DENND2B: variants seen among roughly 807,000 people sequenced by gnomAD.
DENND2B encodes DENN domain-containing protein 2B.
Under a neutral mutation model 116.0 loss-of-function variants are expected in DENND2B, and 32 were observed. That is an observed-to-expected ratio of 0.28 (90% CI 0.21 to 0.37). DENND2B has a LOEUF of 0.37. DENND2B is among the 10% of genes least tolerant of loss of function. The probability of loss-of-function intolerance (pLI) is 1.00; values close to 1 mark genes in which losing one functional copy is unlikely to be tolerated. For synonymous variants in DENND2B, 588 were observed against 583.9 expected, an observed-to-expected ratio of 1.01 and a Z score of -0.10; for missense variants, 1,276 against 1,477.7, an observed-to-expected ratio of 0.86 and a Z score of 2.24.
At chr11:8,729,837 A>T (rs1429276264) in intron 3 of DENND2B, 113 bp downstream of exon 3, 2 of 1,375,322 alleles carry the variant, frequency 1.5e-6, no homozygotes, top group African/African-American at 2.9e-5. Flanking sequence ...TCAGCACTTC[A>T]GAGCTTACGA....
intron 1 of DENND2B, among the ~76,000 whole-genome samples, chr11:8,775,856 T>C (rs2057552249): frequency 1.3e-5 from 2 of 152,180 alleles, no homozygotes; most frequent in Admixed American, 1.3e-4. Flanking sequence ...ACTAAATAAA[T>C]GTTAAACAGT....
At chr11:8,806,317 C>G (rs1470634549) in intron 1 of DENND2B, among the ~76,000 whole-genome samples, 1 of 152,154 alleles carries the variant, frequency 6.6e-6, no homozygotes, top group Non-Finnish European at 1.5e-5. Context: ...GAGGAAGAGT[C>G]TGGAGCTTTG....
intron 1 of DENND2B, among the ~76,000 whole-genome samples, chr11:8,783,716 A>G (rs2058621852): frequency 6.6e-6 from 1 of 152,222 alleles, no homozygotes; most frequent in Admixed American, 6.5e-5. Flanking sequence ...CAAAAAGAAA[A>G]TAAGGACAAT....
rs369672649 is a variant in DENND2B at position 8,777,997 on chromosome 11, A to C, written c.-25-27272T>G. Among the ~76,000 whole-genome samples, 162 of 152,304 alleles carry C rather than the reference A, an allele frequency of 1.1e-3. 4 individuals are homozygous for C. The South Asian group carries it at 0.032, about 30-fold the overall frequency. ...GTCTCAGTCTCTACTAAGGAAGCTC[A>C]CATCCTTCAGGAGCTTACCCAAAAC... On this transcript the variant is annotated intron_variant, in intron 1 of 19. Transcript: ENST00000313726.
At chr11:8,812,042 G>A (rs1282933471), upstream of DENND2B, among the ~76,000 whole-genome samples, 1 of 152,158 alleles carries the variant, frequency 6.6e-6, no homozygotes, top group Non-Finnish European at 1.5e-5. Flanking sequence ...CTGGCCTTAT[G>A]ACCATTTTAT....
chr11:8,834,197 G>C (rs1309692108), intron 4 of DENND2B, among the ~76,000 whole-genome samples: 1 of 152,220 alleles, frequency 6.6e-6, no homozygotes, highest in Non-Finnish European at 1.5e-5. Flanking sequence ...ACCTAGTACA[G>C]TTTGGAAAGT....
chr11:8,709,173 G>C (rs1011307292), intron 11 of DENND2B, among the ~76,000 whole-genome samples: 2 of 152,174 alleles, frequency 1.3e-5, no homozygotes, highest in Non-Finnish European at 2.9e-5. Flanking sequence ...CAAACCTGCT[G>C]GCCACACGTC....
At chr11:8,798,074 T>C (rs2059991022) in intron 1 of DENND2B, among the ~76,000 whole-genome samples, 1 of 152,174 alleles carries the variant, frequency 6.6e-6, no homozygotes, top group African/African-American at 2.4e-5. Context: ...TGTTACTCTC[T>C]CTTTTACATC....
intron 1 of DENND2B, chr11:8,787,128 G>A (rs1040513066): frequency 1.3e-5 from 2 of 152,126 alleles, no homozygotes; most frequent in African/African-American, 2.4e-5. Flanking sequence ...TTCAAAATTC[G>A]CATTCCTTCC....
intron 2 of DENND2B, among the ~76,000 whole-genome samples, chr11:8,748,547 T>C (rs955713710): frequency 2.6e-5 from 4 of 151,356 alleles, no homozygotes; most frequent in African/African-American, 9.8e-5. Context: ...CCAGGGGTAG[T>C]CTCTGAGAGA....
At chr11:8,834,371 T>G (rs1298745574) in intron 4 of DENND2B, among the ~76,000 whole-genome samples, 2 of 152,208 alleles carry the variant, frequency 1.3e-5, no homozygotes, top group Non-Finnish European at 2.9e-5. Context: ...GATACAGCAT[T>G]GCAACAAGAA....
At chr11:8,899,998 C>A (rs1176924907) in intron 1 of DENND2B, among the ~76,000 whole-genome samples, 1 of 152,012 alleles carries the variant, frequency 6.6e-6, no homozygotes, top group East Asian at 1.9e-4. Flanking sequence ...TTATATCAAT[C>A]AGTAGATTGT....
At chr11:8,810,806 GTCTC>G (rs34550908), upstream of DENND2B, 251 of 140,170 alleles carry the variant, frequency 1.8e-3, 1 homozygote, top group Middle Eastern at 7.6e-3. Flanking sequence ...CTTTCTCACT[GTCTC>G]TCTCTCTCTC....
chr11:8,909,985 C>G (rs2064295194), intron 1 of DENND2B: 1 of 152,156 alleles, frequency 6.6e-6, no homozygotes, highest in African/African-American at 2.4e-5. Flanking sequence ...TATCTCCTAC[C>G]AAATAACCAG....
At chr11:8,824,655 A>C (rs952512566) in intron 4 of DENND2B, among the ~76,000 whole-genome samples, 3 of 152,056 alleles carry the variant, frequency 2.0e-5, no homozygotes, top group Non-Finnish European at 4.4e-5. Flanking sequence ...GTTGCAATGA[A>C]CATACATGTG....
chr11:8,904,048 C>A (rs1420088967), intron 1 of DENND2B, among the ~76,000 whole-genome samples: 3 of 152,070 alleles, frequency 2.0e-5, no homozygotes, highest in Non-Finnish European at 2.9e-5. Context: ...TCTACACACT[C>A]TTCCAAGAAA....
At position 8,838,000 on chromosome 11, in the gene DENND2B, G is replaced by A. The variant is rs543585557; in HGVS notation, c.-115+1310C>T. 8.5e-5 allele frequency among the ~76,000 whole-genome samples: 13 copies of A among 152,350 alleles called. 1 individual carries two copies. In the South Asian group the frequency reaches 1.0e-3, roughly 12 times the overall value. On this transcript the variant is annotated intron_variant, in intron 4 of 6. Coordinates refer to the DENND2B transcript ENST00000524757. Reference sequence around the variant, plus strand: ...ACATCCCAAGGGTGACAGCAAACACGTGTGGACCCACAGCAAGCCGAGGCA... The same window carrying A: ...ACATCCCAAGGGTGACAGCAAACACATGTGGACCCACAGCAAGCCGAGGCA...
At chr11:8,743,798 G>C (rs1265697385) in intron 2 of DENND2B, among the ~76,000 whole-genome samples, 1 of 151,526 alleles carries the variant, frequency 6.6e-6, no homozygotes, top group Non-Finnish European at 1.5e-5. Flanking sequence ...CCAGGCTGGA[G>C]TGTAGTGGCT....
intron 2 of DENND2B, chr11:8,877,269 A>G (rs2063854195): frequency 6.6e-6 from 1 of 151,686 alleles, no homozygotes; most frequent in African/African-American, 2.4e-5. Context: ...ATGCCCAGCT[A>G]ATTTTTTTTG....
Sources: gnomAD v4.1 joint callset for allele counts (sites outside exome capture counted in the v4.1 genomes callset) on GRCh38, gnomAD v4.1.1 for gene constraint, MANE v1.5 for transcripts, NCBI Gene and HGNC (gene_info 2026-07-23, HGNC 2026-07-21) for gene names.